Variants in ZNF655 observed in about 807,000 individuals in gnomAD.
ZNF655 encodes Vav-interacting Kruppel-like protein 1.
ZNF655 carries 3 observed loss-of-function variants against 6.6 expected under a neutral mutation model. The observed-to-expected ratio is 0.46, with a 90% CI of 0.21 to 1.18. ZNF655 has a LOEUF of 1.18. Ranked by LOEUF, ZNF655 falls within the 50% of genes most tolerant of loss-of-function variation. ZNF655 has a pLI of 0.24. For synonymous variants in ZNF655, 178 were observed against 195.0 expected (o/e 0.91, Z 0.73); for missense variants, 526 against 572.3 (o/e 0.92, Z 0.83).
rs770231221 is a variant in ZNF655, at chr7:99,572,888, A to T, written c.780A>T (p.Arg260Ser). 6.2e-7 allele frequency: 1 copy of T among 1,614,164 alleles called. No individual in the cohort carries two copies. The highest frequency in any genetic ancestry group is 1.7e-5 in the Admixed American group (1 of 60,028). The change falls in exon 3 of 3, where the codon AGA (arginine) becomes AGT (serine). Residue 260 changes from arginine (R) to serine (S), a missense_variant. Transcript: ENST00000252713. ...GCTCAAGTCTTAGTCGACATAAAAG[A>T]ATACACACTAGAGAAAAACCTTACA... ...SQSSSLSRHK[R>S]IHTREKPYKC...
In ZNF655 at chr7:99,575,242, TAAAG is replaced by T. The variant is rs897419160; in HGVS notation, c.*1661_*1664del. On this transcript the variant is annotated 3_prime_UTR_variant, in exon 3 of 3. Transcript: ENST00000252713. ...AGGTCTGCTCTTGGTAGGGTAAACA[TAAAG>T]AAGATACACAGGCCGGGCATGGTGG... 3 of 152,428 alleles carry T rather than the reference TAAAG, an allele frequency of 2.0e-5. No individual in the cohort carries two copies. The highest frequency in any genetic ancestry group is 4.8e-5 in the African/African-American group (2 of 41,384). 9.4% of individuals were successfully genotyped at this position (152,428 alleles called of 1,614,324 possible).
chr7:99,567,513 CAG>C (rs1258665095), intron 2 of ZNF655, among the ~76,000 whole-genome samples: 2 of 148,168 alleles, frequency 1.3e-5, no homozygotes, highest in Admixed American at 6.8e-5. Context: ...GCCTGGGTGA[CAG>C]AGTGCAACTC....
At chr7:99,562,078 A>G in intron 2 of ZNF655, 3 of 1,022,836 alleles carry the variant, frequency 2.9e-6, no homozygotes, top group Non-Finnish European at 4.1e-6. Flanking sequence ...TTTTTTCAAT[A>G]GCAGACTCCA....
Position 99,562,091 on chromosome 7 carries a change from T to G in ZNF655, c.136+1396T>G. ...ATTTTTTTCAATAGCAGACTCCAGT[T>G]TGGGAATTGATCCTCTTCGGAGACC... On this transcript the variant is annotated intron_variant, in intron 2 of 2. Transcript: ENST00000252713. 3.2e-6 allele frequency: 3 copies of G among 936,530 alleles called. No individual in the cohort carries two copies. In the South Asian group the frequency reaches 6.3e-5, roughly 20 times the overall value. 58.0% of individuals were successfully genotyped at this position (936,530 alleles called of 1,614,324 possible).
chr7:99,563,292 T>C, intron 2 of ZNF655: 1 of 257,224 alleles, frequency 3.9e-6, no homozygotes, highest in South Asian at 4.0e-5. Context: ...TTTTCTTTAG[T>C]TTATTTTTTA....
chr7:99,563,785 C>T, intron 2 of ZNF655: 1 of 1,535,692 alleles, frequency 6.5e-7, no homozygotes, highest in Non-Finnish European at 8.7e-7. Flanking sequence ...TCAAGGTCTT[C>T]TTATTTGTGG....
chr7:99,576,113 A>C lies in ZNF655; in HGVS notation c.*2529A>C, dbSNP rs575585270. 2 of 152,430 alleles carry C rather than the reference A, an allele frequency of 1.3e-5. No individual in the cohort carries two copies. The highest frequency in any genetic ancestry group is 2.4e-5 in the African/African-American group (1 of 41,590). 9.4% of individuals were successfully genotyped at this position (152,430 alleles called of 1,614,324 possible). On this transcript the variant is annotated 3_prime_UTR_variant, in exon 3 of 3. Coordinates refer to ENST00000252713, the MANE Select transcript of ZNF655 (RefSeq NM_138494.3). ...TATATAAAAATATGTTGCTCACTCT[A>C]TAATCCTCCTATGGCTAACCTCTAG...
chr7:99,561,862 C>T (rs768658924), intron 2 of ZNF655: 1 of 1,442,220 alleles, frequency 6.9e-7, no homozygotes, highest in South Asian at 1.5e-5. Context: ...GCTGCTCTCA[C>T]TCTTCACTCC....
At chr7:99,560,766 C>T in intron 2 of ZNF655, 71 bp downstream of exon 2, 1 of 1,572,730 alleles carries the variant, frequency 6.4e-7, no homozygotes, top group Admixed American at 1.8e-5. Flanking sequence ...GCTCCTGGGC[C>T]TGGTTTGAGA....
At position 99,561,898 on chromosome 7, in the gene ZNF655, TC is replaced by T. The variant is rs754985970; in HGVS notation, c.136+1205del. The T allele has an allele frequency of 5.1e-6, 8 of 1,568,548 alleles. No individual in the cohort carries two copies. In the East Asian group the frequency reaches 1.4e-4, roughly 28 times the overall value. ...TTTCTCCTCCCTCAGCTCCACCTGT[TC>T]CTCAGGTGCCTGCTCTTCCCCGTGA... On this transcript the variant is annotated intron_variant, in intron 2 of 2. Transcript: ENST00000252713.
intron 2 of ZNF655, chr7:99,570,568 A>C (rs1031413508): frequency 2.0e-5 from 3 of 152,238 alleles, no homozygotes; most frequent in Admixed American, 6.5e-5. Flanking sequence ...GTAGCCGTTA[A>C]GTAAATTAAT....
At position 99,575,193 on chromosome 7, in the gene ZNF655, A is replaced by G. The variant is rs1804327265; in HGVS notation, c.*1609A>G. 1 of 152,470 alleles carries G rather than the reference A, an allele frequency of 6.6e-6. No individual in the cohort carries two copies. Among genetic ancestry groups the G allele is most frequent in the African/African-American group, 2.4e-5 (1 of 41,380 alleles). The allele number at this position is 152,470 out of a possible 1,614,324, so 9.4% of individuals were successfully genotyped here. A position where few individuals can be genotyped will look rare whatever the true frequency, so the allele number is the denominator to read the frequency against. On this transcript the variant is annotated 3_prime_UTR_variant, in exon 3 of 3. Coordinates refer to ENST00000252713, the MANE Select transcript of ZNF655 (RefSeq NM_138494.3). ...GCCTAAGCTTAGAGTTCTTTTATATACCTCTACGGCCAGCAAAATGCTCAG... is the reference window on the plus strand; with the variant it reads ...GCCTAAGCTTAGAGTTCTTTTATATGCCTCTACGGCCAGCAAAATGCTCAG...
chr7:99,572,656 A>G lies in ZNF655; in HGVS notation c.548A>G (p.Asp183Gly), dbSNP rs1804173509. Residue 183 changes from aspartate (D) to glycine (G), a missense_variant, in exon 3 of 3, where the codon GAT (aspartate) becomes GGT (glycine). By Grantham distance (94) the Asp-to-Gly change is moderately conservative (BLOSUM62 -1). Transcript: ENST00000252713. ...CATGAACACTTAAATCTAACAGAGG[A>G]TTTTCAGAGTAGTGAATGTAAGGAA... ...GKHEHLNLTE[D>G]FQSSECKESL... 1 of 1,613,804 alleles carries G rather than the reference A, an allele frequency of 6.2e-7. No homozygotes were observed. The highest frequency in any genetic ancestry group is 2.2e-5 in the East Asian group (1 of 44,876).
intron 2 of ZNF655, chr7:99,562,064 GAA>G: frequency 8.1e-7 from 1 of 1,231,350 alleles, no homozygotes; most frequent in Non-Finnish European, 1.1e-6. Context: ...ACCTTGCCTG[GAA>G]TTTTTTTCAA....
intron 1 of ZNF655, 68 bp downstream of exon 1, chr7:99,558,855 A>G (rs1436500352): frequency 2.0e-5 from 3 of 152,244 alleles, no homozygotes; most frequent in Admixed American, 6.5e-5. Flanking sequence ...ACGGGAGTAG[A>G]AGGAGGCGGC....
chr7:99,563,155 T>C (rs904122529), intron 2 of ZNF655: 6 of 453,598 alleles, frequency 1.3e-5, no homozygotes, highest in Admixed American at 2.4e-5. Context: ...GGGTCAATGC[T>C]TAACTCATGT....
intron 2 of ZNF655, chr7:99,564,641 G>A: frequency 1.0e-6 from 1 of 984,450 alleles, no homozygotes; most frequent in South Asian, 4.7e-5. Flanking sequence ...ACTGTAAAGT[G>A]ACATACATAT....
chr7:99,569,430 T>C (rs1263712697), intron 2 of ZNF655, among the ~76,000 whole-genome samples: 2 of 152,008 alleles, frequency 1.3e-5, no homozygotes, highest in South Asian at 2.1e-4. Context: ...TCATTATTTA[T>C]TTTTTTTCAG....
rs1804356643 is a variant in ZNF655 at position 99,575,645 on chromosome 7, G to A, written c.*2061G>A. On this transcript the variant is annotated 3_prime_UTR_variant, in exon 3 of 3. Transcript: ENST00000252713. ...CCAACAGAGATGATGCTGTTCGTAT[G>A]TTAATCTCAGAGACAGTATTTCAAG... The A allele has an allele frequency of 6.6e-6, 1 of 152,146 alleles. No individual in the cohort carries two copies. The highest frequency in any genetic ancestry group is 2.4e-5 in the African/African-American group (1 of 41,428). 9.4% of individuals were successfully genotyped at this position (152,146 alleles called of 1,614,324 possible). A position where few individuals can be genotyped will look rare whatever the true frequency, so the allele number is the denominator to read the frequency against.
Sources: allele counts gnomAD v4.1 joint callset (sites outside exome capture counted in the v4.1 genomes callset), GRCh38; gene constraint gnomAD v4.1.1; transcripts MANE v1.5; gene names NCBI Gene and HGNC (gene_info 2026-07-23, HGNC 2026-07-21).